The following LGR6 variants were observed in gnomAD, a reference collection of about 807,000 sequenced individuals.
The protein encoded by LGR6 is leucine rich repeat containing G protein-coupled receptor 6, also known as leucine-rich repeat-containing G protein-coupled receptor 6.
In LGR6, 45 loss-of-function variants were observed where a neutral mutation model predicts 69.4. The ratio of observed to expected loss-of-function variants is 0.65; its 90% CI spans 0.51 to 0.83. LGR6 has a LOEUF of 0.83. Among genes scored for constraint, LGR6 ranks in the 40% least tolerant of loss-of-function variants. The pLI is 0.00. For synonymous variants in LGR6, 538 were observed against 555.0 expected (o/e 0.97, Z 0.43); for missense variants, 1,108 against 1,246.7 (o/e 0.89, Z 1.68).
chr1:202,250,631 C>T (rs1663153823), intron 4 of LGR6, among the ~76,000 whole-genome samples: 1 of 151,974 alleles, frequency 6.6e-6, no homozygotes, highest in Non-Finnish European at 1.5e-5. Flanking sequence ...GTCTCAAACT[C>T]CTGACTCAGG....
intron 12 of LGR6, among the ~76,000 whole-genome samples, chr1:202,306,332 C>T (rs1332434078): frequency 6.6e-6 from 1 of 152,190 alleles, no homozygotes; most frequent in Non-Finnish European, 1.5e-5. Context: ...TTGAGCTTCC[C>T]TGTGTCTGTA....
chr1:202,314,468 G>A (rs1278905986), intron 16 of LGR6, among the ~76,000 whole-genome samples: 1 of 152,212 alleles, frequency 6.6e-6, no homozygotes, highest in South Asian at 2.1e-4. Flanking sequence ...GTGATCACTA[G>A]CATACATTAT....
At chr1:202,259,076 A>G (rs547547007) in intron 4 of LGR6, among the ~76,000 whole-genome samples, 7 of 152,164 alleles carry the variant, frequency 4.6e-5, no homozygotes, top group Non-Finnish European at 8.8e-5. Flanking sequence ...ATACTATAAT[A>G]GAATTTATTA....
intron 6 of LGR6, among the ~76,000 whole-genome samples, chr1:202,293,357 A>G (rs1003633332): frequency 3.3e-5 from 5 of 152,208 alleles, no homozygotes; most frequent in Admixed American, 2.6e-4. Flanking sequence ...TCTATGACAC[A>G]TGTCACATTT....
intron 6 of LGR6, among the ~76,000 whole-genome samples, chr1:202,291,228 C>T (rs1344637003): frequency 6.6e-6 from 1 of 152,194 alleles, no homozygotes; most frequent in Non-Finnish European, 1.5e-5. Context: ...TTCAGTCCTT[C>T]CCCCTCTGCT....
intron 4 of LGR6, among the ~76,000 whole-genome samples, chr1:202,252,564 C>T (rs1663358994): frequency 6.6e-6 from 1 of 152,182 alleles, no homozygotes; most frequent in Non-Finnish European, 1.5e-5. Flanking sequence ...CCCTGCTGGA[C>T]CAGAGTCTGC....
chr1:202,300,983 T>C, intron 8 of LGR6, 63 bp downstream of exon 8: 1 of 1,485,230 alleles, frequency 6.7e-7, no homozygotes, highest in South Asian at 1.2e-5. Flanking sequence ...GGACAGAGGA[T>C]GGGAAGGCAG....
chr1:202,316,229 T>C (rs1572029443), intron 17 of LGR6, among the ~76,000 whole-genome samples: 1 of 152,150 alleles, frequency 6.6e-6, no homozygotes, highest in Non-Finnish European at 1.5e-5. Context: ...GGCTGGGAGG[T>C]TCAAGATTGG....
intron 15 of LGR6, among the ~76,000 whole-genome samples, chr1:202,309,680 T>G (rs1653556017): frequency 6.6e-6 from 1 of 152,252 alleles, no homozygotes; most frequent in South Asian, 2.1e-4. Flanking sequence ...ACTAATGAGA[T>G]GCCCTTAGGG....
chr1:202,318,444 C>A lies in LGR6; in HGVS notation c.2141C>A (p.Ser714Tyr). The A allele has an allele frequency of 1.9e-6, 3 of 1,612,360 alleles. No homozygotes were observed. Among genetic ancestry groups the A allele is most frequent in the Non-Finnish European group, 2.5e-6 (3 of 1,179,472 alleles). The stretch of plus-strand genomic sequence containing the variant: ...GCCTCAGTGGGAGAATACGGGGCCT[C>A]CCCACTCTGCCTGCCCTACGCGCCA... ...PLASVGEYGA[S>Y]PLCLPYAPPE... Residue 714 changes from serine to tyrosine, a missense_variant, in exon 18 of 18, where the codon TCC becomes TAC. Transcript: ENST00000367278.
At chr1:202,295,063 C>T (rs896387398) in intron 6 of LGR6, among the ~76,000 whole-genome samples, 1 of 152,160 alleles carries the variant, frequency 6.6e-6, no homozygotes, top group African/African-American at 2.4e-5. Context: ...CACGGTGGCT[C>T]ATGCCTGTAA....
chr1:202,315,499 T>G (rs1654076255), intron 17 of LGR6, among the ~76,000 whole-genome samples: 1 of 152,230 alleles, frequency 6.6e-6, no homozygotes, highest in Admixed American at 6.5e-5. Context: ...GCAATTCAAC[T>G]TGAGACATTT....
At chr1:202,260,524 G>A (rs565639981) in intron 4 of LGR6, among the ~76,000 whole-genome samples, 1 of 152,246 alleles carries the variant, frequency 6.6e-6, no homozygotes, top group East Asian at 1.9e-4. Context: ...AGTAGAGAAA[G>A]GGTTTCACCA....
intron 1 of LGR6, among the ~76,000 whole-genome samples, chr1:202,225,016 A>G (rs1216998462): frequency 6.6e-6 from 1 of 152,254 alleles, no homozygotes; most frequent in Non-Finnish European, 1.5e-5. Context: ...ACTAGTAAAA[A>G]GAGTGGGTGA....
chr1:202,318,061 G>C lies in LGR6; in HGVS notation c.1758G>C (p.Val586=), dbSNP rs769701601. The C allele has an allele frequency of 1.2e-5, 19 of 1,614,112 alleles. 1 individual carries two copies. The South Asian group carries it at 2.1e-4, about 18-fold the overall frequency. The change falls in exon 18 of 18, where the codon GTG becomes GTC. Residue 586 remains valine, a synonymous_variant. Coordinates refer to ENST00000367278, the MANE Select transcript of LGR6 (RefSeq NM_001017403.2). ...VLCNGLVLLT[V]FAGGPVPLPP... is the part of the protein sequence containing the mutation. ...GCAATGGACTGGTGCTGCTGACCGT[G>C]TTCGCTGGCGGGCCTGTCCCCCTGC...
intron 6 of LGR6, among the ~76,000 whole-genome samples, chr1:202,294,740 G>A (rs1667027477): frequency 6.6e-6 from 1 of 152,174 alleles, no homozygotes; most frequent in Admixed American, 6.5e-5. Context: ...CAGTCACAAG[G>A]CCATCCCAGC....
At chr1:202,238,384 G>A (rs1004145619) in intron 4 of LGR6, among the ~76,000 whole-genome samples, 29 of 146,046 alleles carry the variant, frequency 2.0e-4, no homozygotes, top group Non-Finnish European at 7.5e-5. Flanking sequence ...TGGGATTACA[G>A]GAGTAAGCCA....
chr1:202,304,484 C>T, intron 10 of LGR6, 75 bp from the exon 11 acceptor site: 1 of 1,071,148 alleles, frequency 9.3e-7, no homozygotes. Flanking sequence ...GTATCAGGTC[C>T]AGAGCTGGAG....
chr1:202,287,297 G>A (rs560878304), intron 6 of LGR6, among the ~76,000 whole-genome samples: 1 of 152,246 alleles, frequency 6.6e-6, no homozygotes, highest in African/African-American at 2.4e-5. Flanking sequence ...CTATCACAGA[G>A]ACTAAAGGGT....
Sources: allele counts gnomAD v4.1 joint callset (sites outside exome capture counted in the v4.1 genomes callset), GRCh38; gene constraint gnomAD v4.1.1; transcripts MANE v1.5; gene names NCBI Gene and HGNC (gene_info 2026-07-23, HGNC 2026-07-21).